IKZF1: variants seen among roughly 807,000 people sequenced by gnomAD.
IKZF1 encodes IKAROS family zinc finger 1.
IKZF1 carries 10 observed loss-of-function variants against 51.7 expected under a neutral mutation model. The ratio of observed to expected loss-of-function variants is 0.19; its 90% CI spans 0.12 to 0.33. The LOEUF is 0.33. Ranked by LOEUF, IKZF1 falls within the 10% of genes least tolerant of loss-of-function variation. The pLI is 1.00. For missense variants in IKZF1, 484 were observed against 707.5 expected (o/e 0.68, Z 3.58); for synonymous variants, 280 against 282.3 (o/e 0.99, Z 0.08).
At chr7:50,343,261 CTCCT>C (rs1284559435) in intron 3 of IKZF1, among the ~76,000 whole-genome samples, 6 of 138,888 alleles carry the variant, frequency 4.3e-5, no homozygotes, top group Non-Finnish European at 7.8e-5. Flanking sequence ...TTTCCCTTTC[CTCCT>C]TCCTTCCTTC....
intron 3 of IKZF1, chr7:50,328,169 C>A (rs1795571284): frequency 6.4e-6 from 1 of 156,472 alleles, no homozygotes; most frequent in African/African-American, 2.4e-5. Context: ...TTTATGTTAT[C>A]CCTCTAATCT....
chr7:50,367,136 C>G (rs12532576), intron 3 of IKZF1, among the ~76,000 whole-genome samples: 3,484 of 152,248 alleles, frequency 0.023, 284 homozygotes, highest in East Asian at 0.16. Context: ...GTTCTGTGGT[C>G]AGATAAATCT....
At chr7:50,387,896 G>A (rs2153489658) in intron 6 of IKZF1, among the ~76,000 whole-genome samples, 1 of 152,312 alleles carries the variant, frequency 6.6e-6, no homozygotes, top group South Asian at 2.1e-4. Context: ...AGAACTTTCA[G>A]GCTGTGATTT....
chr7:50,357,153 C>T (rs1233848284), intron 3 of IKZF1, among the ~76,000 whole-genome samples: 1 of 152,000 alleles, frequency 6.6e-6, no homozygotes, highest in African/African-American at 2.4e-5. Flanking sequence ...CCGACTCCTT[C>T]TTCTAGGCAT....
rs1388442825 is a variant in IKZF1 at position 50,326,922 on chromosome 7, G to A, written c.41-716G>A. Among the ~76,000 whole-genome samples, 4 of 152,194 alleles carry A rather than the reference G, an allele frequency of 2.6e-5. No homozygotes were observed. In the East Asian group the frequency reaches 7.7e-4, roughly 29 times the overall value. The stretch of plus-strand genomic sequence containing the variant: ...TTCTTGCAAAGAAAGTGAGCAGATG[G>A]CAGAATGTATAGCTCTAAGCAGAAT... On this transcript the variant is annotated intron_variant, in intron 2 of 7. Transcript: ENST00000331340.
intron 7 of IKZF1, among the ~76,000 whole-genome samples, chr7:50,395,342 A>G (rs1370088496): frequency 6.6e-6 from 1 of 152,232 alleles, no homozygotes; most frequent in African/African-American, 2.4e-5. Context: ...AAACAAAACT[A>G]GAGAAGCGGC....
chr7:50,367,819 T>G, intron 3 of IKZF1: 1 of 578,346 alleles, frequency 1.7e-6, no homozygotes, highest in Non-Finnish European at 3.1e-6. Flanking sequence ...GGGATTGTGG[T>G]CCTGTTCATG....
chr7:50,317,228 G>C (rs1307005732), intron 1 of IKZF1, among the ~76,000 whole-genome samples: 2 of 152,208 alleles, frequency 1.3e-5, no homozygotes, highest in Non-Finnish European at 2.9e-5. Context: ...TTTAACTTCT[G>C]TATGCTTCAC....
intron 3 of IKZF1, among the ~76,000 whole-genome samples, chr7:50,340,827 T>A (rs1046544627): frequency 2.0e-5 from 3 of 152,242 alleles, no homozygotes; most frequent in African/African-American, 4.8e-5. Context: ...GAAATTATTG[T>A]TCTGTAGAGA....
intron 3 of IKZF1, among the ~76,000 whole-genome samples, chr7:50,350,302 G>A (rs1397824980): frequency 6.6e-6 from 1 of 152,224 alleles, no homozygotes; most frequent in Non-Finnish European, 1.5e-5. Context: ...TCCAGAGGCT[G>A]GTCCCTGACT....
intron 1 of IKZF1, among the ~76,000 whole-genome samples, chr7:50,310,524 T>C (rs556855729): frequency 7.6e-4 from 115 of 152,292 alleles, no homozygotes; most frequent in Non-Finnish European, 1.4e-3. Context: ...CCCCCTGGGT[T>C]TGCATGAAGA....
chr7:50,377,062 G>A (rs1211790534), intron 4 of IKZF1: 3 of 511,612 alleles, frequency 5.9e-6, no homozygotes, highest in African/African-American at 3.8e-5. Flanking sequence ...CTTGGCGAGG[G>A]CTGCTATTAT....
chr7:50,336,037 T>C (rs1797693254), intron 3 of IKZF1, among the ~76,000 whole-genome samples: 2 of 152,130 alleles, frequency 1.3e-5, no homozygotes, highest in South Asian at 4.1e-4. Flanking sequence ...ATCTGCATTT[T>C]GGCCTGCTCC....
At chr7:50,305,535 T>C (rs1788581183) in intron 1 of IKZF1, among the ~76,000 whole-genome samples, 1 of 152,198 alleles carries the variant, frequency 6.6e-6, no homozygotes, top group Non-Finnish European at 1.5e-5. Flanking sequence ...TTGTTTTTCC[T>C]TCTAATTTGG....
At chr7:50,349,174 G>A (rs1469735764) in intron 3 of IKZF1, among the ~76,000 whole-genome samples, 3 of 152,148 alleles carry the variant, frequency 2.0e-5, no homozygotes, top group Admixed American at 6.5e-5. Context: ...CATGGCCTTT[G>A]TTGCCACCAA....
At chr7:50,316,476 A>G (rs1791566466) in intron 1 of IKZF1, among the ~76,000 whole-genome samples, 1 of 152,230 alleles carries the variant, frequency 6.6e-6, no homozygotes, top group African/African-American at 2.4e-5. Context: ...GCGAAAATGC[A>G]GAGCTCTCTG....
chr7:50,317,937 A>G (rs1425499591), intron 1 of IKZF1, among the ~76,000 whole-genome samples: 1 of 152,226 alleles, frequency 6.6e-6, no homozygotes, highest in African/African-American at 2.4e-5. Flanking sequence ...GTGGCCAAAA[A>G]TAAAAAGGGG....
Position 50,327,696 on chromosome 7 carries a change from C to A in IKZF1, c.99C>A (p.Ile33=), listed in dbSNP as rs61732861. 1,326 of 1,613,664 alleles carry A rather than the reference C, an allele frequency of 8.2e-4. 12 individuals carry two copies. The African/African-American group carries it at 0.016, about 20-fold the overall frequency. Residue 33 remains isoleucine (I), a synonymous_variant, in exon 3 of 8, where the codon ATC becomes ATA. Transcript: ENST00000331340. ...ATGAGGGCGATGAGCCCATGCCGAT[C>A]CCCGAGGACCTCTCCACCACCTCGG... ...TPDEGDEPMP[I]PEDLSTTSGG...
At chr7:50,345,983 T>C (rs1465479540) in intron 3 of IKZF1, among the ~76,000 whole-genome samples, 1 of 152,248 alleles carries the variant, frequency 6.6e-6, no homozygotes, top group Admixed American at 6.5e-5. Flanking sequence ...TGCACTGAAA[T>C]CCATCACTGC....
Sources: allele counts gnomAD v4.1 joint callset (sites outside exome capture counted in the v4.1 genomes callset), GRCh38; gene constraint gnomAD v4.1.1; transcripts MANE v1.5; gene names NCBI Gene and HGNC (gene_info 2026-07-23, HGNC 2026-07-21).